Variants in NCAM2 observed in about 807,000 individuals in gnomAD.
NCAM2 encodes the protein N-CAM-2.
In NCAM2, 30 loss-of-function variants were observed where a neutral mutation model predicts 98.1. The observed-to-expected ratio is 0.31, with a 90% CI of 0.23 to 0.41. NCAM2 has a LOEUF of 0.41. NCAM2 is among the 10% of genes least tolerant of loss of function. NCAM2 has a pLI of 1.00. For missense variants in NCAM2, 867 were observed against 1,005.8 expected, an observed-to-expected ratio of 0.86 and a Z score of 1.87; for synonymous variants, 368 against 342.4, an observed-to-expected ratio of 1.07 and a Z score of -0.83.
intron 1 of NCAM2, among the ~76,000 whole-genome samples, chr21:21,049,763 C>G (rs1767222513): frequency 1.3e-5 from 2 of 151,782 alleles, no homozygotes; most frequent in African/African-American, 4.8e-5. Flanking sequence ...CCCAGCTACT[C>G]AGGAGGCTGA....
At chr21:21,346,765 C>T (rs368477940) in intron 8 of NCAM2, among the ~76,000 whole-genome samples, 1 of 151,904 alleles carries the variant, frequency 6.6e-6, no homozygotes, top group Non-Finnish European at 1.5e-5. Flanking sequence ...AGAATATGCT[C>T]CTGAATGACC....
chr21:21,478,832 A>G (rs1985490860), intron 15 of NCAM2, among the ~76,000 whole-genome samples: 1 of 152,146 alleles, frequency 6.6e-6, no homozygotes, highest in African/African-American at 2.4e-5. Flanking sequence ...AGGTTTAATG[A>G]CATGTTGGAG....
At chr21:21,002,012 C>G (rs1317944681) in intron 1 of NCAM2, among the ~76,000 whole-genome samples, 31 of 152,162 alleles carry the variant, frequency 2.0e-4, no homozygotes, top group Admixed American at 2.0e-3. Context: ...GCTCCAGCCT[C>G]TCTCGTATGC....
intron 1 of NCAM2, among the ~76,000 whole-genome samples, chr21:21,067,768 C>T (rs1329841739): frequency 6.6e-6 from 1 of 152,058 alleles, no homozygotes; most frequent in Admixed American, 6.5e-5. Context: ...ACTGGCAGGG[C>T]CAGATCTATT....
Position 21,284,252 on chromosome 21 carries a change from AAC to A in NCAM2, c.193_194del (p.Gln65GlufsTer10). 6.2e-7 allele frequency: 1 copy of A among 1,612,688 alleles called. No individual in the cohort carries two copies. The highest frequency in any genetic ancestry group is 8.5e-7 in the Non-Finnish European group (1 of 1,178,928). ...YNPQGEKIIS[T>X]QRVVVQKEGV... ...ATCCTCAAGGAGAGAAGATAATTTCAACACAGAGGGTAGTAGTGCAAAAGGAA... is the reference window on the plus strand; with the variant it reads ...ATCCTCAAGGAGAGAAGATAATTTCAACAGAGGGTAGTAGTGCAAAAGGAA... On this transcript the variant is annotated frameshift_variant, in exon 3 of 18. Coordinates refer to ENST00000400546, the MANE Select transcript of NCAM2 (RefSeq NM_004540.5). LOFTEE classifies it high-confidence loss of function.
intron 1 of NCAM2, among the ~76,000 whole-genome samples, chr21:21,128,854 AGAATT>A (rs1319873382): frequency 6.6e-6 from 1 of 152,178 alleles, no homozygotes; most frequent in Non-Finnish European, 1.5e-5. Flanking sequence ...AAATCAAATC[AGAATT>A]GTAGCAGAAA....
chr21:21,392,105 C>T (rs2076394572), intron 9 of NCAM2, among the ~76,000 whole-genome samples: 1 of 152,158 alleles, frequency 6.6e-6, no homozygotes. Flanking sequence ...ACCTCCCACC[C>T]TCCACCCTTT....
chr21:21,234,767 G>C (rs190642433), intron 1 of NCAM2, among the ~76,000 whole-genome samples: 1 of 151,880 alleles, frequency 6.6e-6, no homozygotes, highest in African/African-American at 2.4e-5. Flanking sequence ...GAGGACTCTT[G>C]ATCCATATGA....
chr21:21,453,063 A>G (rs1456183868), intron 12 of NCAM2, among the ~76,000 whole-genome samples: 21 of 126,824 alleles, frequency 1.7e-4, no homozygotes, highest in African/African-American at 6.4e-4. Flanking sequence ...AAATATAAAT[A>G]TATTTATAAA....
chr21:21,029,961 C>G (rs1445834425), intron 1 of NCAM2, among the ~76,000 whole-genome samples: 3 of 152,096 alleles, frequency 2.0e-5, no homozygotes, highest in Non-Finnish European at 2.9e-5. Context: ...CTATGCTGTT[C>G]ATGTAAATCT....
At chr21:21,334,874 T>C (rs892017100) in intron 6 of NCAM2, among the ~76,000 whole-genome samples, 2 of 152,042 alleles carry the variant, frequency 1.3e-5, no homozygotes, top group Non-Finnish European at 2.9e-5. Flanking sequence ...CTTAAAAATA[T>C]TGATAATTAT....
chr21:21,104,165 T>G (rs1195706071), intron 1 of NCAM2, among the ~76,000 whole-genome samples: 1 of 152,150 alleles, frequency 6.6e-6, no homozygotes, highest in Non-Finnish European at 1.5e-5. Context: ...AATAGTTTTA[T>G]AAAGTTTCCG....
chr21:21,390,850 GTAA>G (rs1491003107), intron 9 of NCAM2, among the ~76,000 whole-genome samples: 2 of 152,162 alleles, frequency 1.3e-5, no homozygotes, highest in African/African-American at 4.8e-5. Context: ...GGTCAAAAGA[GTAA>G]TGTGCCTAGT....
intron 1 of NCAM2, among the ~76,000 whole-genome samples, chr21:21,022,397 T>C (rs1158685674): frequency 6.6e-6 from 1 of 152,112 alleles, no homozygotes; most frequent in Non-Finnish European, 1.5e-5. Flanking sequence ...TTTGTGTATA[T>C]AATTTAGTTA....
intron 1 of NCAM2, among the ~76,000 whole-genome samples, chr21:21,183,997 T>A (rs1208013624): frequency 6.6e-6 from 1 of 152,124 alleles, no homozygotes; most frequent in African/African-American, 2.4e-5. Flanking sequence ...TAATAAGAAT[T>A]TACCAGAATG....
intron 16 of NCAM2, among the ~76,000 whole-genome samples, chr21:21,513,655 G>T (rs1036941905): frequency 6.6e-6 from 1 of 152,096 alleles, no homozygotes; most frequent in African/African-American, 2.4e-5. Context: ...CTGAGGAGAA[G>T]AAAGTGTATT....
Position 21,298,586 on chromosome 21 carries a change from TACAGATAGATAGATAG to T in NCAM2, c.619+6347_619+6362del, listed in dbSNP as rs1568902582. The stretch of plus-strand genomic sequence containing the variant: ...TTATATAAACTAGAGAAATGATAGA[TACAGATAGATAGATAG>T]ATAGATAGATAGATAGATAGATAGA... On this transcript the variant is annotated intron_variant, in intron 5 of 17. Coordinates refer to ENST00000400546, the MANE Select transcript of NCAM2 (RefSeq NM_004540.5). Among the ~76,000 whole-genome samples the T allele has an allele frequency of 4.5e-5, 5 of 112,182 alleles. No individual in the cohort carries two copies. In the South Asian group the frequency reaches 1.5e-3, roughly 35 times the overall value. The allele number at this position is 112,182 out of a possible 152,430, so 73.6% of individuals were successfully genotyped here. A position where few individuals can be genotyped will look rare whatever the true frequency, so the allele number is the denominator to read the frequency against.
intron 8 of NCAM2, among the ~76,000 whole-genome samples, chr21:21,367,046 T>C (rs1470588633): frequency 2.0e-5 from 3 of 151,994 alleles, no homozygotes; most frequent in Non-Finnish European, 2.9e-5. Context: ...AATTCAATTA[T>C]GTGGCATACA....
chr21:20,999,977 C>G (rs1227521734), intron 1 of NCAM2, among the ~76,000 whole-genome samples: 1 of 152,134 alleles, frequency 6.6e-6, no homozygotes, highest in Non-Finnish European at 1.5e-5. Context: ...TTGGATATTC[C>G]TATAGTTTGT....
Sources: allele counts gnomAD v4.1 joint callset (sites outside exome capture counted in the v4.1 genomes callset), GRCh38; gene constraint gnomAD v4.1.1; transcripts MANE v1.5; gene names NCBI Gene and HGNC (gene_info 2026-07-23, HGNC 2026-07-21).